The following MAP3K10 variants were observed in gnomAD, a reference collection of about 807,000 sequenced individuals.
MAP3K10 encodes mitogen-activated protein kinase kinase kinase 10.
MAP3K10 carries 22 observed loss-of-function variants against 75.0 expected under a neutral mutation model. The observed-to-expected ratio is 0.29, with a 90% CI of 0.21 to 0.42. The LOEUF (loss-of-function observed/expected upper bound fraction) is 0.42. Ranked by LOEUF, MAP3K10 falls within the 10% of genes least tolerant of loss-of-function variation. The pLI, the probability that MAP3K10 is intolerant of heterozygous loss-of-function variation, is 1.00. For synonymous variants in MAP3K10, 599 were observed against 612.9 expected (o/e 0.98, Z 0.34); for missense variants, 1,165 against 1,379.8 (o/e 0.84, Z 2.47).
Position 40,215,197 on chromosome 19 carries a change from C to G in MAP3K10, c.2770C>G (p.Pro924Ala), listed in dbSNP as rs575623715. The change falls in exon 10 of 10, where the codon CCC becomes GCC. Residue 924 changes from proline (P) to alanine (A), a missense_variant. Physicochemically the swap from Pro to Ala is conservative, Grantham distance 27. Transcript: ENST00000253055. ...GCCAGACACTCCGGAGAGCCCTGGGCCCCCCAGCGTGCAGCCCACACTGCT... is the reference window on the plus strand; with the variant it reads ...GCCAGACACTCCGGAGAGCCCTGGGGCCCCCAGCGTGCAGCCCACACTGCT... ...SRPDTPESPG[P>A]PSVQPTLLDM... 1 of 1,585,310 alleles carries G rather than the reference C, an allele frequency of 6.3e-7. No individual in the cohort carries two copies. The highest frequency in any genetic ancestry group is 8.6e-7 in the Non-Finnish European group (1 of 1,166,710).
Position 40,205,383 on chromosome 19 carries a change from C to G in MAP3K10, c.1188+87C>G. ...CTGCTCAGAGACTCCTCCCCTGAAC[C>G]CCAGCCTTTGGGTCCATGCAGGGTC... On this transcript the variant is annotated intron_variant, in intron 4 of 9. Transcript: ENST00000253055. This position sits in a 1 kb window ranked among gnomAD's most constrained non-coding sequence, Gnocchi z 4.3. 1 of 1,437,422 alleles carries G rather than the reference C, an allele frequency of 7.0e-7. No individual in the cohort carries two copies. The highest frequency in any genetic ancestry group is 9.6e-7 in the Non-Finnish European group (1 of 1,043,600). 89.0% of individuals were successfully genotyped at this position (1,437,422 alleles called of 1,614,324 possible). A position where few individuals can be genotyped will look rare whatever the true frequency, so the allele number is the denominator to read the frequency against.
chr19:40,192,727 T>G lies in MAP3K10; in HGVS notation c.682+14T>G. ...AGTCCATCAACAGTAAGTGGTGTCC[T>G]CTCCCCAAAATTCCTTCCACAGAAC... is the stretch of plus-strand genomic sequence containing the variant. On this transcript the variant is annotated intron_variant, in intron 1 of 9. Transcript: ENST00000253055. The surrounding 1 kb of genome is among the most constrained non-coding windows in gnomAD (Gnocchi z 7.1). 2.0e-6 allele frequency: 3 copies of G among 1,519,414 alleles called. No individual in the cohort carries two copies. Among genetic ancestry groups the G allele is most frequent in the Non-Finnish European group, 2.6e-6 (3 of 1,134,674 alleles). 94.1% of individuals were successfully genotyped at this position (1,519,414 alleles called of 1,614,324 possible).
At chr19:40,214,243 C>T in intron 9 of MAP3K10, 22 bp downstream of exon 9, 1 of 1,373,916 alleles carries the variant, frequency 7.3e-7, no homozygotes, top group Non-Finnish European at 9.3e-7. Flanking sequence ...GCCCTGCACC[C>T]AGGTCACAGA....
chr19:40,204,979 T>C lies in MAP3K10; in HGVS notation c.1013-142T>C, dbSNP rs1599907709. On this transcript the variant is annotated intron_variant, in intron 3 of 9. Transcript: ENST00000253055. The surrounding 1 kb of genome is among the most constrained non-coding windows in gnomAD (Gnocchi z 4.3). Reference sequence around the variant, plus strand: ...GTGGAATTGGCCAGGAGCTTGGCTTTGAATCCCTTCCCCTCAGCTCCATAG... The same window carrying C: ...GTGGAATTGGCCAGGAGCTTGGCTTCGAATCCCTTCCCCTCAGCTCCATAG... The C allele has an allele frequency of 1.2e-6, 1 of 802,776 alleles. No individual in the cohort carries two copies. Among genetic ancestry groups the C allele is most frequent in the East Asian group, 2.5e-5 (1 of 40,758 alleles). The allele number at this position is 802,776 out of a possible 1,614,324, so 49.7% of individuals were successfully genotyped here.
Position 40,215,411 on chromosome 19 carries a change from G to A in MAP3K10, c.*119G>A, listed in dbSNP as rs1973336199. The A allele has an allele frequency of 5.3e-6, 5 of 938,708 alleles. No homozygotes were observed. The East Asian group carries it at 8.0e-5, about 15-fold the overall frequency. The allele number at this position is 938,708 out of a possible 1,614,324, so 58.1% of individuals were successfully genotyped here. On this transcript the variant is annotated 3_prime_UTR_variant, in exon 10 of 10. Coordinates refer to ENST00000253055, the MANE Select transcript of MAP3K10 (RefSeq NM_002446.4). ...GCAGGATGTTCACTCTATTTATTGG[G>A]GAAGGAGGGAGGGGGGGGACACTTA... is the stretch of plus-strand genomic sequence containing the variant.
chr19:40,212,812 C>A lies in MAP3K10; in HGVS notation c.1560C>A (p.Pro520=). Reference sequence around the variant, plus strand: ...TGGCTTCTCTGGACCCAGTGACTCCCGTGGACTGTGGTGGCAGCAGCAGTG... The same window carrying A: ...TGGCTTCTCTGGACCCAGTGACTCCAGTGGACTGTGGTGGCAGCAGCAGTG... The part of the protein sequence containing the change: ...IPRLRAIRLT[P]VDCGGSSSGS... Residue 520 remains proline (P), a synonymous_variant, in exon 7 of 10, where the codon CCC becomes CCA. Transcript: ENST00000253055. The surrounding 1 kb of genome is among the most constrained non-coding windows in gnomAD (Gnocchi z 4.2). 1 of 1,590,680 alleles carries A rather than the reference C, an allele frequency of 6.3e-7. No homozygotes were observed. The highest frequency in any genetic ancestry group is 1.3e-5 in the African/African-American group (1 of 74,566).
In MAP3K10 at chr19:40,213,851, C is replaced by G. The variant is rs979154249; in HGVS notation, c.2172C>G (p.Pro724=). 2 of 1,381,600 alleles carry G rather than the reference C, an allele frequency of 1.4e-6. No individual in the cohort carries two copies. Among genetic ancestry groups the G allele is most frequent in the African/African-American group, 1.5e-5 (1 of 64,600 alleles). The allele number at this position is 1,381,600 out of a possible 1,614,324, so 85.6% of individuals were successfully genotyped here. ...AGRFPRGLSP[P]ARPHGRREDV... ...GCTTCCCGCGGGGCCTCAGCCCACC[C>G]GCGCGTCCCCACGGCCGCCGCGAAG... Residue 724 remains proline, a synonymous_variant, in exon 9 of 10, where the codon CCC becomes CCG. Coordinates refer to ENST00000253055, the MANE Select transcript of MAP3K10 (RefSeq NM_002446.4). The surrounding 1 kb of genome is among the most constrained non-coding windows in gnomAD (Gnocchi z 5.7).
Position 40,215,011 on chromosome 19 carries a change from C to A in MAP3K10, c.2584C>A (p.Gln862Lys). ...GGACTTCCCCCGCCTGCCCGACCCC[C>A]AGGCCCTGTTCCCAGCCCGCCGCCG... is the stretch of plus-strand genomic sequence containing the variant. ...LLDFPRLPDPQALFPARRRPP... is the reference protein window; with the variant it reads ...LLDFPRLPDPKALFPARRRPP... The change falls in exon 10 of 10, where the codon CAG becomes AAG. Residue 862 changes from glutamine (Q) to lysine (K), a missense_variant. This residue lies in a region of MAP3K10 where 590 missense variants were observed against 586.6 expected (regional missense o/e 1.01). Coordinates refer to ENST00000253055, the MANE Select transcript of MAP3K10 (RefSeq NM_002446.4). 1 of 1,599,512 alleles carries A rather than the reference C, an allele frequency of 6.3e-7. No individual in the cohort carries two copies. Among genetic ancestry groups the A allele is most frequent in the Non-Finnish European group, 8.5e-7 (1 of 1,171,938 alleles).
At position 40,191,852 on chromosome 19, in the gene MAP3K10, G is replaced by A. The variant is rs1379951023; in HGVS notation, c.-180G>A. The A allele has an allele frequency of 9.0e-5, 16 of 178,158 alleles. No individual in the cohort carries two copies. Among genetic ancestry groups the A allele is most frequent in the Admixed American group, 3.2e-4 (5 of 15,592 alleles). The allele number at this position is 178,158 out of a possible 1,614,324, so 11.0% of individuals were successfully genotyped here. Reference sequence around the variant, plus strand: ...CCCGTACAGCCAAATCGGAAGGGACGAGCCTGCCCTTTGAAAGGGTTTTTT... The same window carrying A: ...CCCGTACAGCCAAATCGGAAGGGACAAGCCTGCCCTTTGAAAGGGTTTTTT... On this transcript the variant is annotated 5_prime_UTR_variant, in exon 1 of 10. Coordinates refer to ENST00000253055, the MANE Select transcript of MAP3K10 (RefSeq NM_002446.4).
At position 40,213,355 on chromosome 19, in the gene MAP3K10, G is replaced by A. The variant is rs1973276895; in HGVS notation, c.1838-162G>A. 3 of 1,456,328 alleles carry A rather than the reference G, an allele frequency of 2.1e-6. No individual in the cohort carries two copies. Among genetic ancestry groups the A allele is most frequent in the Non-Finnish European group, 2.7e-6 (3 of 1,108,478 alleles). 90.2% of individuals were successfully genotyped at this position (1,456,328 alleles called of 1,614,324 possible). On this transcript the variant is annotated intron_variant, in intron 8 of 9. Coordinates refer to ENST00000253055, the MANE Select transcript of MAP3K10 (RefSeq NM_002446.4). This position sits in a 1 kb window ranked among gnomAD's most constrained non-coding sequence, Gnocchi z 5.7. Reference sequence around the variant, plus strand: ...GTGGGGGGTCATTTCCAGGGGCAGGGACCACCCTTCTCTGAGGCTTCTCCT... The same window carrying A: ...GTGGGGGGTCATTTCCAGGGGCAGGAACCACCCTTCTCTGAGGCTTCTCCT...
chr19:40,205,869 G>A lies in MAP3K10; in HGVS notation c.1189-42G>A, dbSNP rs1259870290. On this transcript the variant is annotated intron_variant, in intron 4 of 9. Coordinates refer to ENST00000253055, the MANE Select transcript of MAP3K10 (RefSeq NM_002446.4). This position sits in a 1 kb window ranked among gnomAD's most constrained non-coding sequence, Gnocchi z 4.3. ...CCTGGGTCCCTCCCCAGGAAGCAGA[G>A]CAGCTAAGCCCCTCCCCCCAGCCAC... The A allele has an allele frequency of 8.2e-6, 12 of 1,472,000 alleles. No individual in the cohort carries two copies. The highest frequency in any genetic ancestry group is 7.5e-5 in the Admixed American group (3 of 39,994). 91.2% of individuals were successfully genotyped at this position (1,472,000 alleles called of 1,614,324 possible). A position where few individuals can be genotyped will look rare whatever the true frequency, so the allele number is the denominator to read the frequency against.
At chr19:40,202,245 C>T (rs1048289776) in intron 2 of MAP3K10, among the ~76,000 whole-genome samples, 18 of 152,142 alleles carry the variant, frequency 1.2e-4, no homozygotes, top group East Asian at 3.9e-4. Flanking sequence ...TTTCACCGTG[C>T]TAGCCAGGAT....
In MAP3K10 at chr19:40,201,466, T is replaced by C. The variant is rs1457624480; in HGVS notation, c.863+2911T>C. On this transcript the variant is annotated intron_variant, in intron 2 of 9. Transcript: ENST00000253055. ...CCTGGGCCTCCTAAAGTGCTGGGAT[T>C]ACAGGCGTCAGCCACCGCACCCAGC... Among the ~76,000 whole-genome samples, 6 of 151,304 alleles carry C rather than the reference T, an allele frequency of 4.0e-5. 1 individual carries two copies.
At chr19:40,206,310 G>A (rs1973121012) in intron 5 of MAP3K10, 153 bp downstream of exon 5, 7 of 908,956 alleles carry the variant, frequency 7.7e-6, no homozygotes, top group African/African-American at 6.9e-5. Flanking sequence ...GCGAGCACTT[G>A]TAGTCCCAGC....
At position 40,214,144 on chromosome 19, in the gene MAP3K10, G is replaced by A; in HGVS notation, c.2465G>A (p.Ser822Asn). The change falls in exon 9 of 10, where the codon AGC becomes AAC. Residue 822 changes from serine (S) to asparagine (N), a missense_variant. Ser to Asn is a conservative substitution (Grantham distance 46, BLOSUM62 1). Transcript: ENST00000253055. Reference protein sequence around the residue: ...PTHVTAACAVSRGHRRTPSDG... With the variant: ...PTHVTAACAVNRGHRRTPSDG... The stretch of plus-strand genomic sequence containing the variant: ...CACGTCACGGCTGCATGCGCTGTGA[G>A]CCGCGGGCACCGGCGGACGCCATCG... The A allele has an allele frequency of 2.6e-6, 4 of 1,544,370 alleles. No homozygotes were observed. The highest frequency in any genetic ancestry group is 3.5e-6 in the Non-Finnish European group (4 of 1,154,434).
At chr19:40,197,013 G>A (rs1395610284) in intron 1 of MAP3K10, among the ~76,000 whole-genome samples, 3 of 152,182 alleles carry the variant, frequency 2.0e-5, no homozygotes, top group Non-Finnish European at 4.4e-5. Flanking sequence ...TCACGATCAT[G>A]CTGTGTAATA....
rs764756557 is a variant in MAP3K10, at chr19:40,213,009, C to T, written c.1724+33C>T. ...GTGGTGTGGTCATGCCCACCCTGTG[C>T]CCAAGCCCCAGCTCCCAGGCTCCAG... On this transcript the variant is annotated intron_variant, in intron 7 of 9. Transcript: ENST00000253055. This position sits in a 1 kb window ranked among gnomAD's most constrained non-coding sequence, Gnocchi z 5.7. The T allele has an allele frequency of 1.3e-6, 2 of 1,590,620 alleles. No homozygotes were observed. The highest frequency in any genetic ancestry group is 1.7e-4 in the Middle Eastern group (1 of 5,962).
chr19:40,215,419 GGA>G lies in MAP3K10; in HGVS notation c.*129_*130del. On this transcript the variant is annotated 3_prime_UTR_variant, in exon 10 of 10. Coordinates refer to ENST00000253055, the MANE Select transcript of MAP3K10 (RefSeq NM_002446.4). ...TTCACTCTATTTATTGGGGAAGGAG[GGA>G]GGGGGGGGACACTTAACTTATTCCT... 19 of 867,716 alleles carry G rather than the reference GGA, an allele frequency of 2.2e-5. No individual in the cohort carries two copies. The highest frequency in any genetic ancestry group is 3.6e-4 in the Middle Eastern group (1 of 2,814). The allele number at this position is 867,716 out of a possible 1,614,324, so 53.8% of individuals were successfully genotyped here. A position where few individuals can be genotyped will look rare whatever the true frequency, so the allele number is the denominator to read the frequency against.
chr19:40,199,890 G>A (rs976680599), intron 2 of MAP3K10, among the ~76,000 whole-genome samples: 1 of 152,122 alleles, frequency 6.6e-6, no homozygotes, highest in African/African-American at 2.4e-5. Flanking sequence ...CGGGTGCGGT[G>A]GCTCACGCCT....
Sources: allele counts gnomAD v4.1 joint callset (sites outside exome capture counted in the v4.1 genomes callset), GRCh38; gene constraint gnomAD v4.1.1; regional missense constraint gnomAD v4.1.1; non-coding constraint Gnocchi (gnomAD v3.1); transcripts MANE v1.5; gene names NCBI Gene and HGNC (gene_info 2026-07-23, HGNC 2026-07-21).